The following ZNF460 variants were observed in gnomAD, a reference collection of about 807,000 sequenced individuals.
ZNF460 encodes the protein zinc finger protein 272.
Under a neutral mutation model 8.4 loss-of-function variants are expected in ZNF460, and 1 was observed. The observed-to-expected ratio is 0.12, with a 90% CI of 0.04 to 0.56. The LOEUF is 0.56. Among genes scored for constraint, ZNF460 ranks in the 20% least tolerant of loss-of-function variants. ZNF460 has a pLI of 0.91. For missense variants in ZNF460, 477 were observed against 714.8 expected, an observed-to-expected ratio of 0.67 and a Z score of 3.79; for synonymous variants, 262 against 259.9, an observed-to-expected ratio of 1.01 and a Z score of -0.08.
In ZNF460 at chr19:57,291,999, C is replaced by T; in HGVS notation, c.1458C>T (p.Asn486=). The change falls in exon 3 of 3, where the codon AAC becomes AAT. Residue 486 remains asparagine (N), a synonymous_variant. Coordinates refer to ENST00000360338, the MANE Select transcript of ZNF460 (RefSeq NM_006635.4). This position sits in a 1 kb window ranked among gnomAD's most constrained non-coding sequence, Gnocchi z 8.4. ...GCGTGGAGTGCGGGAAGGCCTTCAA[C>T]CGCAGGTCACCCCTCACAAGGCACC... ...YECVECGKAF[N]RRSPLTRHQR... The T allele has an allele frequency of 6.2e-7, 1 of 1,614,110 alleles. No individual in the cohort carries two copies. The highest frequency in any genetic ancestry group is 1.6e-4 in the Middle Eastern group (1 of 6,062).
rs1231955214 is a variant in ZNF460, at chr19:57,291,082, T to G, written c.541T>G (p.Cys181Gly). 1 of 1,614,242 alleles carries G rather than the reference T, an allele frequency of 6.2e-7. No homozygotes were observed. The highest frequency in any genetic ancestry group is 8.5e-7 in the Non-Finnish European group (1 of 1,180,052). Residue 181 changes from cysteine to glycine, a missense_variant, in exon 3 of 3, where the codon TGC (cysteine) becomes GGC (glycine). Physicochemically the swap from Cys to Gly is radical, Grantham distance 159 (BLOSUM62 -3). Transcript: ENST00000360338. This position sits in a 1 kb window ranked among gnomAD's most constrained non-coding sequence, Gnocchi z 8.4. ...YKFEEMFNEN[C>G]FLVQHEQILP... is the part of the protein sequence containing the mutation. ...ATTCGAGGAAATGTTTAATGAGAATTGCTTCCTTGTTCAGCATGAGCAGAT... is the reference window on the plus strand; with the variant it reads ...ATTCGAGGAAATGTTTAATGAGAATGGCTTCCTTGTTCAGCATGAGCAGAT...
chr19:57,291,505 G>A lies in ZNF460; in HGVS notation c.964G>A (p.Ala322Thr). 1 of 1,613,516 alleles carries A rather than the reference G, an allele frequency of 6.2e-7. No homozygotes were observed. Among genetic ancestry groups the A allele is most frequent in the Non-Finnish European group, 8.5e-7 (1 of 1,179,836 alleles). The stretch of plus-strand genomic sequence containing the variant: ...TGGAAAAGGCTTTTATGAGAGTACA[G>A]CCCTCATTCAACACTTCATTATCCA... ...ECGKGFYEST[A>T]LIQHFIIHTG... is the part of the protein sequence containing the mutation. Residue 322 changes from alanine to threonine, a missense_variant, in exon 3 of 3, where the codon GCC becomes ACC. This residue lies in a region of ZNF460 where 193 missense variants were observed against 391.7 expected (regional missense o/e 0.49). Coordinates refer to ENST00000360338, the MANE Select transcript of ZNF460 (RefSeq NM_006635.4). The surrounding 1 kb of genome is among the most constrained non-coding windows in gnomAD (Gnocchi z 8.4).
In ZNF460 at chr19:57,291,884, A is replaced by G; in HGVS notation, c.1343A>G (p.Tyr448Cys). 1 of 1,614,080 alleles carries G rather than the reference A, an allele frequency of 6.2e-7. No homozygotes were observed. Among genetic ancestry groups the G allele is most frequent in the East Asian group, 2.2e-5 (1 of 44,872 alleles). Residue 448 changes from tyrosine (Y) to cysteine (C), a missense_variant, in exon 3 of 3, where the codon TAT becomes TGT. By Grantham distance (194) the Tyr-to-Cys change is radical (BLOSUM62 -2). This residue lies in a region of ZNF460 where 193 missense variants were observed against 391.7 expected (regional missense o/e 0.49). Coordinates refer to ENST00000360338, the MANE Select transcript of ZNF460 (RefSeq NM_006635.4). This position sits in a 1 kb window ranked among gnomAD's most constrained non-coding sequence, Gnocchi z 8.4. ...HQWIHTGEKP[Y>C]VCIQCGKAFC... ...TGGATTCATACTGGAGAGAAGCCGTATGTATGCATCCAATGTGGGAAAGCC... is the reference window on the plus strand; with the variant it reads ...TGGATTCATACTGGAGAGAAGCCGTGTGTATGCATCCAATGTGGGAAAGCC...
chr19:57,284,847 G>A (rs970775891), intron 2 of ZNF460, among the ~76,000 whole-genome samples, 170 bp downstream of exon 2: 10 of 137,530 alleles, frequency 7.3e-5, no homozygotes, highest in African/African-American at 2.9e-4. Flanking sequence ...ACAGAGTTTC[G>A]CTCTTGTTGC....
Position 57,293,086 on chromosome 19 carries a change from T to C in ZNF460, c.*856T>C, listed in dbSNP as rs995575736. Reference sequence around the variant, plus strand: ...ATTTTTCTGTAGGATGGAGATGATATTGTAGCTGTTTGTACATAATGTAAT... The same window carrying C: ...ATTTTTCTGTAGGATGGAGATGATACTGTAGCTGTTTGTACATAATGTAAT... On this transcript the variant is annotated 3_prime_UTR_variant, in exon 3 of 3. Transcript: ENST00000360338. The C allele has an allele frequency of 6.6e-6, 1 of 152,198 alleles. No individual in the cohort carries two copies. Among genetic ancestry groups the C allele is most frequent in the African/African-American group, 2.4e-5 (1 of 41,446 alleles). The allele number at this position is 152,198 out of a possible 1,614,324, so 9.4% of individuals were successfully genotyped here.
chr19:57,285,222 G>A (rs543152183), intron 2 of ZNF460, among the ~76,000 whole-genome samples: 1 of 152,174 alleles, frequency 6.6e-6, no homozygotes, highest in Non-Finnish European at 1.5e-5. Context: ...GGAGAGGGAT[G>A]TGTTACCAGG....
At chr19:57,288,875 C>G (rs979965365) in intron 2 of ZNF460, among the ~76,000 whole-genome samples, 2 of 149,312 alleles carry the variant, frequency 1.3e-5, no homozygotes, top group Admixed American at 1.3e-4. Flanking sequence ...TCCACACATT[C>G]TTTTTATTTA....
chr19:57,285,761 C>T (rs964853421), intron 2 of ZNF460, among the ~76,000 whole-genome samples: 11 of 152,190 alleles, frequency 7.2e-5, no homozygotes, highest in Admixed American at 3.3e-4. Flanking sequence ...GGAGTCACCA[C>T]GTCTACCCCT....
intron 2 of ZNF460, among the ~76,000 whole-genome samples, chr19:57,288,007 A>G (rs1225008203): frequency 1.3e-5 from 2 of 152,068 alleles, no homozygotes; most frequent in Non-Finnish European, 2.9e-5. Context: ...AAACAAACAA[A>G]AAAAACCATC....
At chr19:57,282,738 C>T (rs1465919648) in intron 1 of ZNF460, among the ~76,000 whole-genome samples, 2 of 152,076 alleles carry the variant, frequency 1.3e-5, no homozygotes, top group Non-Finnish European at 2.9e-5. Flanking sequence ...ACCTGTAAAC[C>T]CTGCACTTTG....
At position 57,290,771 on chromosome 19, in the gene ZNF460, A is replaced by G. The variant is rs766954895; in HGVS notation, c.230A>G (p.Gln77Arg). 117 of 1,614,100 alleles carry G rather than the reference A, an allele frequency of 7.2e-5. 1 individual carries two copies. In the Admixed American group the frequency reaches 1.9e-3, roughly 27 times the overall value. The change falls in exon 3 of 3, where the codon CAG becomes CGG. Residue 77 changes from glutamine to arginine, a missense_variant. Gln to Arg is a conservative substitution (Grantham distance 43). This residue lies in a region of ZNF460 where 169 missense variants were observed against 178.6 expected (regional missense o/e 0.95). Coordinates refer to ENST00000360338, the MANE Select transcript of ZNF460 (RefSeq NM_006635.4). Reference protein sequence around the residue: ...HLALPEEVSLQEQLAQGVPRY... With the variant: ...HLALPEEVSLREQLAQGVPRY... Reference sequence around the variant, plus strand: ...GCCTTGCCTGAGGAAGTCTCACTCCAGGAACAGCTGGCACAGGGAGTCCCA... The same window carrying G: ...GCCTTGCCTGAGGAAGTCTCACTCCGGGAACAGCTGGCACAGGGAGTCCCA...
chr19:57,284,405 A>C, intron 1 of ZNF460, 146 bp from the exon 2 acceptor site: 2 of 984,542 alleles, frequency 2.0e-6, no homozygotes, highest in Non-Finnish European at 3.0e-6. Flanking sequence ...ATTCCCCTTG[A>C]TCCTAGCACA....
At chr19:57,282,998 AAAAG>A (rs1475822269) in intron 1 of ZNF460, among the ~76,000 whole-genome samples, 2 of 151,866 alleles carry the variant, frequency 1.3e-5, no homozygotes, top group Non-Finnish European at 2.9e-5. Context: ...AAAAAAAAAA[AAAAG>A]AGAGAGACAT....
At position 57,292,539 on chromosome 19, in the gene ZNF460, A is replaced by G. The variant is rs983971467; in HGVS notation, c.*309A>G. On this transcript the variant is annotated 3_prime_UTR_variant, in exon 3 of 3. Coordinates refer to ENST00000360338, the MANE Select transcript of ZNF460 (RefSeq NM_006635.4). ...TGCACTTAGGAAAACCTTCAGCCAC[A>G]TCTTTCTTATTAGTTTACAGTGAAA... 3.6e-5 allele frequency: 9 copies of G among 252,774 alleles called. No homozygotes were observed. The highest frequency in any genetic ancestry group is 2.0e-4 in the African/African-American group (9 of 45,106). 15.7% of individuals were successfully genotyped at this position (252,774 alleles called of 1,614,324 possible).
At chr19:57,289,983 C>G (rs1478985354) in intron 2 of ZNF460, among the ~76,000 whole-genome samples, 1 of 151,760 alleles carries the variant, frequency 6.6e-6, no homozygotes, top group Non-Finnish European at 1.5e-5. Flanking sequence ...TGTAAAAATA[C>G]AAAAAAATTA....
chr19:57,280,421 G>A (rs924966458), upstream of ZNF460: 21 of 263,804 alleles, frequency 8.0e-5, no homozygotes, highest in East Asian at 1.8e-4. Context: ...CTGCGGGCCA[G>A]GGCGGCGGAG....
At chr19:57,285,065 C>T (rs903956403) in intron 2 of ZNF460, among the ~76,000 whole-genome samples, 1 of 152,180 alleles carries the variant, frequency 6.6e-6, no homozygotes, top group Non-Finnish European at 1.5e-5. Context: ...ATCCACCCAC[C>T]TCAGCCTCTC....
Position 57,280,697 on chromosome 19 carries a change from T to C in ZNF460, c.-110T>C. ...CCCCGACGCTGCGCCTTGGGCCTTG[T>C]GCGCATTTTTTTCGGGGGAAAACTG... On this transcript the variant is annotated 5_prime_UTR_variant, in exon 1 of 3. Transcript: ENST00000360338. The C allele has an allele frequency of 6.7e-7, 1 of 1,495,094 alleles. No individual in the cohort carries two copies. The highest frequency in any genetic ancestry group is 1.2e-5 in the South Asian group (1 of 83,600). The allele number at this position is 1,495,094 out of a possible 1,614,324, so 92.6% of individuals were successfully genotyped here.
chr19:57,288,433 A>G (rs1019985630), intron 2 of ZNF460, among the ~76,000 whole-genome samples: 3 of 152,190 alleles, frequency 2.0e-5, no homozygotes, highest in Non-Finnish European at 2.9e-5. Context: ...GCCTCAAGCA[A>G]TTCTTCTGCC....
Sources: gnomAD v4.1 joint callset for allele counts (sites outside exome capture counted in the v4.1 genomes callset) on GRCh38, gnomAD v4.1.1 for gene constraint, gnomAD v4.1.1 regional missense constraint, Gnocchi (gnomAD v3.1) non-coding constraint, MANE v1.5 for transcripts, NCBI Gene and HGNC (gene_info 2026-07-23, HGNC 2026-07-21) for gene names.